Variants in ANO7 observed in about 807,000 individuals in gnomAD.
ANO7 encodes the protein anoctamin-7.
A neutral mutation model predicts 115.8 loss-of-function variants in ANO7; 114 were observed. The observed-to-expected ratio is 0.98, with a 90% CI of 0.85 to 1.15. The LOEUF is 1.15. ANO7 is among the 50% of genes most tolerant of loss of function. The probability of loss-of-function intolerance (pLI) is 0.00; values close to 1 mark genes in which losing one functional copy is unlikely to be tolerated. For synonymous variants in ANO7, 550 were observed against 498.2 expected (o/e 1.10, Z -1.38); for missense variants, 1,302 against 1,201.2 (o/e 1.08, Z -1.24).
the ANO7 span, chr2:241,233,691 CCT>C: frequency 1.0e-6 from 1 of 964,988 alleles, no homozygotes; most frequent in Non-Finnish European, 1.6e-6. The surrounding 1 kb of genome is among the most constrained non-coding windows in gnomAD (Gnocchi z 4.3). Flanking sequence ...AGAATTAGGT[CCT>C]GAGAGACTTG....
At chr2:241,229,799 C>CA, downstream of ANO7, 1 of 1,562,938 alleles carries the variant, frequency 6.4e-7, no homozygotes, top group Non-Finnish European at 8.7e-7. Context: ...CCCACCCTCC[C>CA]TGGGACCCAG....
At position 241,224,245 on chromosome 2, in the gene ANO7, G is replaced by C. The variant is rs1277120794; in HGVS notation, c.*92G>C. The C allele has an allele frequency of 1.4e-6, 2 of 1,410,560 alleles. No homozygotes were observed. Among genetic ancestry groups the C allele is most frequent in the East Asian group, 4.7e-5 (2 of 42,138 alleles). The allele number at this position is 1,410,560 out of a possible 1,614,324, so 87.4% of individuals were successfully genotyped here. A position where few individuals can be genotyped will look rare whatever the true frequency, so the allele number is the denominator to read the frequency against. ...TTTCCTCTTCCCTCAGGCAGCGGCTGTGTGAACCGCTGGCTGCTGTTGTGC... is the reference window on the plus strand; with the variant it reads ...TTTCCTCTTCCCTCAGGCAGCGGCTCTGTGAACCGCTGGCTGCTGTTGTGC... On this transcript the variant is annotated 3_prime_UTR_variant, in exon 25 of 25. Transcript: ENST00000674324.
intron 17 of ANO7, among the ~76,000 whole-genome samples, chr2:241,213,924 A>G (rs1346868845): frequency 6.6e-6 from 1 of 152,234 alleles, no homozygotes; most frequent in Non-Finnish European, 1.5e-5. Flanking sequence ...GGGTGCCACA[A>G]CGGACCAGCC....
At chr2:241,222,668 T>G (rs990361652) in intron 21 of ANO7, among the ~76,000 whole-genome samples, 3 of 152,086 alleles carry the variant, frequency 2.0e-5, no homozygotes, top group African/African-American at 7.2e-5. Flanking sequence ...TATTAGAAAA[T>G]GGAATGTCAC....
intron 3 of ANO7, among the ~76,000 whole-genome samples, chr2:241,194,293 G>T (rs2068271584): frequency 6.9e-6 from 1 of 145,736 alleles, no homozygotes. Flanking sequence ...TAGGTATATA[G>T]AAATTATTTA....
chr2:241,189,394 A>G (rs1048121116), intron 1 of ANO7, among the ~76,000 whole-genome samples: 1 of 152,132 alleles, frequency 6.6e-6, no homozygotes, highest in Non-Finnish European at 1.5e-5. Flanking sequence ...TGCCAGCCCC[A>G]GCTCGAACCC....
At chr2:241,232,527 C>T in the ANO7 span, among the ~76,000 whole-genome samples, 2 of 152,306 alleles carry the variant, frequency 1.3e-5, no homozygotes, top group Admixed American at 6.5e-5. Context: ...CCACCCGCCT[C>T]GGCCTCCAAA....
intron 19 of ANO7, 132 bp downstream of exon 19, chr2:241,216,370 T>C: frequency 8.6e-7 from 1 of 1,161,556 alleles, no homozygotes; most frequent in Non-Finnish European, 1.2e-6. Context: ...GGGGGTGGGG[T>C]GGGAACAGAG....
chr2:241,193,085 T>G (rs1037657544), intron 3 of ANO7, among the ~76,000 whole-genome samples: 1 of 151,790 alleles, frequency 6.6e-6, no homozygotes, highest in Non-Finnish European at 1.5e-5. Flanking sequence ...GTTTTTTGTG[T>G]TTTTTTTGAG....
chr2:241,234,039 G>A, the ANO7 span: 89 of 1,533,208 alleles, frequency 5.8e-5, no homozygotes, highest in Non-Finnish European at 8.0e-5. Flanking sequence ...TTCCACCCTG[G>A]TCATAGGACA....
In ANO7 at chr2:241,224,451, C is replaced by T. The variant is rs547382803; in HGVS notation, c.*298C>T. ...GGACCCTGTCCCTCGGTGGCCTCCC[C>T]AGGCCCCTGGACACGACAGTTCTCC... On this transcript the variant is annotated 3_prime_UTR_variant, in exon 25 of 25. Transcript: ENST00000674324. The T allele has an allele frequency of 1.5e-4, 69 of 449,178 alleles. No homozygotes were observed. Among genetic ancestry groups the T allele is most frequent in the Middle Eastern group, 6.3e-4 (1 of 1,590 alleles). 27.8% of individuals were successfully genotyped at this position (449,178 alleles called of 1,614,324 possible). A position where few individuals can be genotyped will look rare whatever the true frequency, so the allele number is the denominator to read the frequency against.
At chr2:241,238,630 G>T in the ANO7 span, 1 of 1,538,200 alleles carries the variant, frequency 6.5e-7, no homozygotes. This position sits in a 1 kb window ranked among gnomAD's most constrained non-coding sequence, Gnocchi z 4.9. Context: ...AAGCAGAGCA[G>T]GGCTAATGGG....
rs888770208 is a variant in ANO7 at position 241,225,210 on chromosome 2, G to C, written c.*1057G>C. ...TTGATGTCCTTGGAGTTCTACAAGTGGAACTTAAGTGTCAAAAAGAATATG... is the reference window on the plus strand; with the variant it reads ...TTGATGTCCTTGGAGTTCTACAAGTCGAACTTAAGTGTCAAAAAGAATATG... On this transcript the variant is annotated 3_prime_UTR_variant, in exon 25 of 25. Transcript: ENST00000674324. 1 of 152,116 alleles carries C rather than the reference G, an allele frequency of 6.6e-6. No individual in the cohort carries two copies. The highest frequency in any genetic ancestry group is 1.5e-5 in the Non-Finnish European group (1 of 68,046). The allele number at this position is 152,116 out of a possible 1,614,324, so 9.4% of individuals were successfully genotyped here.
At chr2:241,197,839 C>CG (rs1171765785) in intron 4 of ANO7, among the ~76,000 whole-genome samples, 5 of 151,934 alleles carry the variant, frequency 3.3e-5, no homozygotes, top group African/African-American at 1.2e-4. Context: ...TTAGTAGAGG[C>CG]GGGGTTACCC....
At position 241,203,416 on chromosome 2, in the gene ANO7, G is replaced by C; in HGVS notation, c.807G>C (p.Trp269Cys). ...RQVLFQHWARWGKWNKYQPLD... is the reference protein window; with the variant it reads ...RQVLFQHWARCGKWNKYQPLD... ...TCCTTTTCCAGCACTGGGCGCGCTG[G>C]GGCAAGTGGAACAAGTACCAGCCCC... Residue 269 changes from tryptophan to cysteine, a missense_variant, in exon 9 of 25, where the codon TGG (tryptophan) becomes TGC (cysteine). Physicochemically the swap from Trp to Cys is radical, Grantham distance 215. Coordinates refer to ENST00000674324, the MANE Select transcript of ANO7 (RefSeq NM_001370694.2). The surrounding 1 kb of genome is among the most constrained non-coding windows in gnomAD (Gnocchi z 4.8). 1 of 1,596,664 alleles carries C rather than the reference G, an allele frequency of 6.3e-7. No individual in the cohort carries two copies. The highest frequency in any genetic ancestry group is 8.5e-7 in the Non-Finnish European group (1 of 1,172,574).
rs775503103 is a variant in ANO7 at position 241,195,785 on chromosome 2, C to G, written c.249C>G (p.His83Gln). ...CCGCCCGGGACAGAACAGACATGCACAGGACCTGGCGGGAGACTTTTCTGG... is the reference window on the plus strand; with the variant it reads ...CCGCCCGGGACAGAACAGACATGCAGAGGACCTGGCGGGAGACTTTTCTGG... ...DSAARDRTDMHRTWRETFLDN... is the reference protein window; with the variant it reads ...DSAARDRTDMQRTWRETFLDN... Residue 83 changes from histidine (H) to glutamine (Q), a missense_variant, in exon 4 of 25, where the codon CAC becomes CAG. Coordinates refer to ENST00000674324, the MANE Select transcript of ANO7 (RefSeq NM_001370694.2). 1.1e-5 allele frequency: 17 copies of G among 1,614,162 alleles called. No individual in the cohort carries two copies. The highest frequency in any genetic ancestry group is 1.3e-5 in the African/African-American group (1 of 74,962).
chr2:241,218,691 T>C (rs2068931767), intron 21 of ANO7, among the ~76,000 whole-genome samples: 1 of 152,202 alleles, frequency 6.6e-6, no homozygotes, highest in Non-Finnish European at 1.5e-5. Context: ...GAAGAGGTTT[T>C]TTTATTCGGC....
intron 19 of ANO7, among the ~76,000 whole-genome samples, chr2:241,217,109 CA>C (rs1276704728): frequency 1.3e-5 from 2 of 152,220 alleles, no homozygotes; most frequent in Non-Finnish European, 2.9e-5. Flanking sequence ...CTGGGGATTA[CA>C]GGCGTGAGAA....
chr2:241,190,994 C>T (rs56085327), intron 2 of ANO7, among the ~76,000 whole-genome samples, 200 bp from the exon 3 acceptor site: 2,768 of 152,356 alleles, frequency 0.018, 33 homozygotes, highest in Non-Finnish European at 0.029. Context: ...GCCTGCGCAT[C>T]CTGTGCCCCC....
Sources: gnomAD v4.1 joint callset for allele counts (sites outside exome capture counted in the v4.1 genomes callset) on GRCh38, gnomAD v4.1.1 for gene constraint, Gnocchi (gnomAD v3.1) non-coding constraint, MANE v1.5 for transcripts, NCBI Gene and HGNC (gene_info 2026-07-23, HGNC 2026-07-21) for gene names.